The following MEGF10 variants were observed in gnomAD, a reference collection of about 807,000 sequenced individuals.
MEGF10 encodes the protein multiple epidermal growth factor-like domains protein 10.
MEGF10 carries 86 observed loss-of-function variants against 147.5 expected under a neutral mutation model. The ratio of observed to expected loss-of-function variants is 0.58; its 90% CI spans 0.49 to 0.70. The LOEUF (loss-of-function observed/expected upper bound fraction) is 0.70, where lower values mean the gene tolerates loss of function less well. Among genes scored for constraint, MEGF10 ranks in the 30% least tolerant of loss-of-function variants. The pLI is 0.00. For missense variants in MEGF10, 1,329 were observed against 1,487.3 expected (o/e 0.89, Z 1.75); for synonymous variants, 478 against 525.5 (o/e 0.91, Z 1.24).
At chr5:127,360,920 T>A (rs977465781) in intron 4 of MEGF10, among the ~76,000 whole-genome samples, 1 of 151,938 alleles carries the variant, frequency 6.6e-6, no homozygotes, top group Non-Finnish European at 1.5e-5. Flanking sequence ...TTAATCCTTT[T>A]ACATATTGTT....
intron 14 of MEGF10, 58 bp from the exon 15 acceptor site, chr5:127,434,629 G>T: frequency 6.6e-7 from 1 of 1,524,246 alleles, no homozygotes; most frequent in African/African-American, 1.4e-5. Context: ...ATCCCGATCT[G>T]GAATGCGAGA....
the MEGF10 span, among the ~76,000 whole-genome samples, chr5:127,246,235 G>A: frequency 6.6e-6 from 1 of 152,158 alleles, no homozygotes; most frequent in African/African-American, 2.4e-5. Context: ...ACTGGATAAA[G>A]AAAATGTGGC....
At position 127,371,184 on chromosome 5, in the gene MEGF10, A is replaced by G. The variant is rs533850455; in HGVS notation, c.412+1182A>G. ...CCTTTTAACTGTACCTTAAACAGGG[A>G]CTGGGACTGTGTGTGTGTGTGTGTG... On this transcript the variant is annotated intron_variant, in intron 5 of 24. Coordinates refer to ENST00000503335, the MANE Select transcript of MEGF10 (RefSeq NM_001256545.2). Among the ~76,000 whole-genome samples, 472 of 139,638 alleles carry G rather than the reference A, an allele frequency of 3.4e-3. 1 individual carries two copies. The Middle Eastern group carries it at 0.058, about 17-fold the overall frequency. The allele number at this position is 139,638 out of a possible 152,430, so 91.6% of individuals were successfully genotyped here.
intron 9 of MEGF10, 85 bp from the exon 10 acceptor site, chr5:127,417,553 G>C (rs1764822989): frequency 1.5e-6 from 2 of 1,308,330 alleles, no homozygotes; most frequent in Admixed American, 1.7e-5. Context: ...CACATTTAGT[G>C]ATCATTGCTA....
the MEGF10 span, among the ~76,000 whole-genome samples, chr5:127,265,427 A>G: frequency 1.3e-5 from 2 of 152,134 alleles, no homozygotes; most frequent in African/African-American, 4.8e-5. Flanking sequence ...TCCTTTGGGT[A>G]TATACCCAGT....
chr5:127,243,834 A>G, the MEGF10 span, among the ~76,000 whole-genome samples: 6 of 152,150 alleles, frequency 3.9e-5, no homozygotes, highest in Admixed American at 3.9e-4. Context: ...TGTAAAGATA[A>G]GAGAAAAATC....
intron 4 of MEGF10, 148 bp downstream of exon 4, chr5:127,340,778 G>T (rs1761650400): frequency 1.6e-6 from 1 of 619,006 alleles, no homozygotes; most frequent in Non-Finnish European, 2.9e-6. Context: ...CTTGGCTTGT[G>T]TAATGAAGGA....
At chr5:127,324,588 C>G (rs1053704364) in intron 1 of MEGF10, among the ~76,000 whole-genome samples, 2 of 152,112 alleles carry the variant, frequency 1.3e-5, no homozygotes, top group Admixed American at 1.3e-4. Flanking sequence ...CCACTTCACA[C>G]GTGAGTGCAG....
At chr5:127,386,654 A>G (rs1485146155) in intron 5 of MEGF10, among the ~76,000 whole-genome samples, 1 of 152,168 alleles carries the variant, frequency 6.6e-6, no homozygotes, top group African/African-American at 2.4e-5. Context: ...TTCTTGATAG[A>G]GTTACTGGGC....
At chr5:127,298,826 G>T (rs1580677614) in intron 1 of MEGF10, among the ~76,000 whole-genome samples, 2 of 152,150 alleles carry the variant, frequency 1.3e-5, no homozygotes, top group African/African-American at 4.8e-5. Context: ...TTGTTCAGGG[G>T]TTGGCTGATG....
intron 1 of MEGF10, among the ~76,000 whole-genome samples, chr5:127,322,085 A>T (rs560455157): frequency 6.6e-4 from 100 of 151,638 alleles, no homozygotes; most frequent in African/African-American, 2.0e-3. Context: ...AAAAAAAAAA[A>T]AATAATAATG....
intron 9 of MEGF10, 83 bp downstream of exon 9, chr5:127,410,684 G>A: frequency 7.8e-7 from 1 of 1,286,450 alleles, no homozygotes; most frequent in Non-Finnish European, 1.1e-6. Context: ...GGGATTGATA[G>A]AGTGATTCTC....
chr5:127,417,627 A>G lies in MEGF10; in HGVS notation c.1131-11A>G. ...CCAAAGTGACTTATTCCTTTCATCC[A>G]TGTCTCTCAGCTGTCACCCCATGTC... is the stretch of plus-strand genomic sequence containing the variant. On this transcript the variant is annotated splice_polypyrimidine_tract_variant and intron_variant, in intron 9 of 24. Coordinates refer to ENST00000503335, the MANE Select transcript of MEGF10 (RefSeq NM_001256545.2). The G allele has an allele frequency of 3.7e-6, 6 of 1,614,112 alleles. No homozygotes were observed. The highest frequency in any genetic ancestry group is 5.1e-6 in the Non-Finnish European group (6 of 1,179,972).
At chr5:127,419,361 T>G in intron 11 of MEGF10, 121 bp downstream of exon 11, 5 of 1,187,526 alleles carry the variant, frequency 4.2e-6, no homozygotes, top group Non-Finnish European at 5.9e-6. Context: ...GTGTCTGACC[T>G]CCGCAAGCCC....
chr5:127,335,189 C>T (rs1016827804), intron 2 of MEGF10, among the ~76,000 whole-genome samples: 10 of 152,076 alleles, frequency 6.6e-5, no homozygotes, highest in Admixed American at 2.6e-4. Flanking sequence ...TTTCCCACTC[C>T]TTGTCTGTTT....
At chr5:127,293,789 G>A (rs555016077) in intron 1 of MEGF10, among the ~76,000 whole-genome samples, 1 of 152,340 alleles carries the variant, frequency 6.6e-6, no homozygotes, top group East Asian at 1.9e-4. Context: ...GTAAGGGCCA[G>A]TAATCTGCAT....
intron 9 of MEGF10, among the ~76,000 whole-genome samples, chr5:127,416,528 T>C (rs1764786685): frequency 6.6e-6 from 1 of 152,202 alleles, no homozygotes; most frequent in Non-Finnish European, 1.5e-5. Flanking sequence ...TGTACTTAGG[T>C]ATTCTTCATG....
At chr5:127,342,995 G>T (rs1431000195) in intron 4 of MEGF10, among the ~76,000 whole-genome samples, 1 of 151,444 alleles carries the variant, frequency 6.6e-6, no homozygotes, top group Non-Finnish European at 1.5e-5. Context: ...CCCAACAATT[G>T]TTACGCTTCT....
chr5:127,435,311 C>T (rs1765516713), intron 15 of MEGF10, 50 bp from the exon 16 acceptor site: 1 of 1,605,992 alleles, frequency 6.2e-7, no homozygotes, highest in African/African-American at 1.3e-5. Flanking sequence ...TTCTAGGGTT[C>T]TGCGAGAGGG....
Sources: gnomAD v4.1 joint callset for allele counts (sites outside exome capture counted in the v4.1 genomes callset) on GRCh38, gnomAD v4.1.1 for gene constraint, MANE v1.5 for transcripts, NCBI Gene and HGNC (gene_info 2026-07-23, HGNC 2026-07-21) for gene names.